YAF2: variants seen among roughly 807,000 people sequenced by gnomAD.
The protein encoded by YAF2 is YY1-associated factor 2.
YAF2 carries 7 observed loss-of-function variants against 20.1 expected under a neutral mutation model. That is an observed-to-expected ratio of 0.35 (90% CI 0.20 to 0.65). The LOEUF is 0.65. Ranked by LOEUF, YAF2 falls within the 30% of genes least tolerant of loss-of-function variation. The probability of loss-of-function intolerance (pLI) is 0.69; values close to 1 mark genes in which losing one functional copy is unlikely to be tolerated. For missense variants in YAF2, 151 were observed against 219.2 expected (o/e 0.69, Z 1.96); for synonymous variants, 74 against 76.0 (o/e 0.97, Z 0.14).
intron 2 of YAF2, among the ~76,000 whole-genome samples, chr12:42,227,036 G>A (rs941916341): frequency 0.01 from 1,537 of 146,512 alleles, 26 homozygotes; most frequent in African/African-American, 0.036. Flanking sequence ...GATATGAAGC[G>A]GAGCCGCTGC....
intron 2 of YAF2, among the ~76,000 whole-genome samples, chr12:42,228,282 T>G (rs1378197680): frequency 2.4e-5 from 1 of 41,994 alleles, no homozygotes. Flanking sequence ...AGCCGCCCCG[T>G]CCGGGAGGGA....
At chr12:42,161,565 A>G (rs1481448268) in intron 3 of YAF2, 48 bp downstream of exon 3, 1 of 1,521,558 alleles carries the variant, frequency 6.6e-7, no homozygotes, top group Non-Finnish European at 8.8e-7. Flanking sequence ...AAAAAAATTA[A>G]ATGGTTTTAT....
chr12:42,202,104 T>TC lies in YAF2; in HGVS notation c.152+35494dup, dbSNP rs368462084. 1.6e-3 allele frequency among the ~76,000 whole-genome samples: 247 copies of TC among 151,624 alleles called. 2 individuals are homozygous for TC. Among genetic ancestry groups the TC allele is most frequent in the African/African-American group, 4.9e-3 (201 of 41,364 alleles). ...TATTGCTTGAAGCAGAGATCTAGTTTCCCCCCCCATCTAGAAAACCAATTC... is the reference window on the plus strand; with the variant it reads ...TATTGCTTGAAGCAGAGATCTAGTTTCCCCCCCCCATCTAGAAAACCAATTC... On this transcript the variant is annotated intron_variant, in intron 2 of 3. Transcript: ENST00000534854.
intron 2 of YAF2, among the ~76,000 whole-genome samples, chr12:42,196,190 G>A (rs1270568366): frequency 2.9e-5 from 4 of 136,142 alleles, no homozygotes; most frequent in Non-Finnish European, 6.1e-5. Flanking sequence ...TCACGCCACT[G>A]CACTCCAGCC....
Position 42,218,185 on chromosome 12 carries a change from A to AAACACACAC in YAF2, c.152+19413_152+19414insGTGTGTGTT, listed in dbSNP as rs1555162626. Among the ~76,000 whole-genome samples, 483 of 140,690 alleles carry AAACACACAC rather than the reference A, an allele frequency of 3.4e-3. 2 individuals carry two copies. The highest frequency in any genetic ancestry group is 8.3e-3 in the African/African-American group (320 of 38,668). 92.3% of individuals were successfully genotyped at this position (140,690 alleles called of 152,430 possible). A position where few individuals can be genotyped will look rare whatever the true frequency, so the allele number is the denominator to read the frequency against. On this transcript the variant is annotated intron_variant, in intron 2 of 3. Transcript: ENST00000534854. ...GACAGTCTACATCAGGCTACTAGGA[A>AAACACACAC]ACACACACACACACACACACACACA...
chr12:42,191,173 G>A (rs1292064028), intron 2 of YAF2, among the ~76,000 whole-genome samples: 2 of 152,058 alleles, frequency 1.3e-5, no homozygotes, highest in Non-Finnish European at 2.9e-5. Context: ...AATGTTTAAA[G>A]TACTCCCATT....
At chr12:42,222,494 T>C (rs1223909384) in intron 2 of YAF2, among the ~76,000 whole-genome samples, 1 of 152,094 alleles carries the variant, frequency 6.6e-6, no homozygotes, top group Non-Finnish European at 1.5e-5. Context: ...TCACCAGCCA[T>C]ATAGGGGCGG....
chr12:42,229,947 G>A (rs2067928008), intron 2 of YAF2, among the ~76,000 whole-genome samples: 1 of 152,184 alleles, frequency 6.6e-6, no homozygotes, highest in Non-Finnish European at 1.5e-5. Context: ...AGGGGTGGAG[G>A]GATGGTAATC....
intron 2 of YAF2, among the ~76,000 whole-genome samples, chr12:42,198,594 A>T (rs1252117845): frequency 6.6e-6 from 1 of 152,214 alleles, no homozygotes; most frequent in Non-Finnish European, 1.5e-5. Context: ...TCAAAACAAA[A>T]CAAAAGTTTA....
In YAF2 at chr12:42,193,255, C is replaced by T. The variant is rs372107497; in HGVS notation, c.153-31490G>A. Among the ~76,000 whole-genome samples, 53 of 149,824 alleles carry T rather than the reference C, an allele frequency of 3.5e-4. 1 individual carries two copies. In the South Asian group the frequency reaches 0.01, roughly 29 times the overall value. ...ACTTGAACTGGGGAGGCGGAGGCTG[C>T]AGTGAACCGAGATTGCGCTGCTGCA... On this transcript the variant is annotated intron_variant, in intron 2 of 3. Transcript: ENST00000534854.
At chr12:42,194,711 C>T (rs1215553979) in intron 2 of YAF2, among the ~76,000 whole-genome samples, 2 of 152,214 alleles carry the variant, frequency 1.3e-5, no homozygotes, top group African/African-American at 2.4e-5. Context: ...TGTACAGTTA[C>T]TCACTCACTT....
Position 42,160,834 on chromosome 12 carries a change from T to TA in YAF2, c.306-9dup, listed in dbSNP as rs763395386. 1.6e-5 allele frequency: 25 copies of TA among 1,582,710 alleles called. No individual in the cohort carries two copies. The highest frequency in any genetic ancestry group is 2.2e-5 in the East Asian group (1 of 44,546). On this transcript the variant is annotated splice_polypyrimidine_tract_variant and intron_variant, in intron 3 of 3. Transcript: ENST00000534854. ...ACATTTTTCAATCTTGGCCTAAACA[T>TA]AAAAAAATGAAATTTTAAACTAGCT...
chr12:42,175,970 G>A (rs2066179553), intron 2 of YAF2, among the ~76,000 whole-genome samples: 1 of 151,956 alleles, frequency 6.6e-6, no homozygotes, highest in African/African-American at 2.4e-5. Flanking sequence ...CTTGGGGCTA[G>A]GCTTGGTGGC....
intron 3 of YAF2, chr12:42,161,155 T>A (rs542388587): frequency 6.4e-6 from 2 of 311,892 alleles, no homozygotes; most frequent in Non-Finnish European, 1.2e-5. Flanking sequence ...AGTTGCACCA[T>A]GGAGGAAGGT....
At chr12:42,217,215 C>T (rs1321427633) in intron 2 of YAF2, among the ~76,000 whole-genome samples, 1 of 152,138 alleles carries the variant, frequency 6.6e-6, no homozygotes, top group Non-Finnish European at 1.5e-5. Context: ...ATGCAGGTAG[C>T]TTAGATTGAT....
chr12:42,215,365 G>A (rs1428377507), intron 2 of YAF2, among the ~76,000 whole-genome samples: 2 of 151,812 alleles, frequency 1.3e-5, no homozygotes, highest in East Asian at 1.9e-4. Context: ...CCAGGAGTTC[G>A]AGACAAGCCT....
At chr12:42,198,808 G>A (rs2066823227) in intron 2 of YAF2, among the ~76,000 whole-genome samples, 1 of 152,130 alleles carries the variant, frequency 6.6e-6, no homozygotes, top group Non-Finnish European at 1.5e-5. Context: ...CTTTATTGAA[G>A]AGTAACAGCA....
chr12:42,226,097 C>T (rs1592048005), intron 2 of YAF2, among the ~76,000 whole-genome samples: 1 of 152,256 alleles, frequency 6.6e-6, no homozygotes. Flanking sequence ...CTTCACATCC[C>T]TTGTAAGTTG....
In YAF2 at chr12:42,237,411, A is replaced by G. The variant is rs2068203009; in HGVS notation, c.152+188T>C. On this transcript the variant is annotated intron_variant, in intron 2 of 3. Transcript: ENST00000534854. ...AGCAAAAAACGTTACAGCCTCTTCA[A>G]TTACCCCTCACCGCAAACCATCGCC... The G allele has an allele frequency of 8.5e-6, 11 of 1,292,102 alleles. No homozygotes were observed. In the South Asian group the frequency reaches 2.1e-4, roughly 25 times the overall value. The allele number at this position is 1,292,102 out of a possible 1,614,324, so 80.0% of individuals were successfully genotyped here. A position where few individuals can be genotyped will look rare whatever the true frequency, so the allele number is the denominator to read the frequency against.
Sources: gnomAD v4.1 joint callset for allele counts (sites outside exome capture counted in the v4.1 genomes callset) on GRCh38, gnomAD v4.1.1 for gene constraint, MANE v1.5 for transcripts, NCBI Gene and HGNC (gene_info 2026-07-23, HGNC 2026-07-21) for gene names.